CIB4: variants seen among roughly 807,000 people sequenced by gnomAD.
The protein encoded by CIB4 is calcium and integrin-binding family member 4.
CIB4 carries 25 observed loss-of-function variants against 25.8 expected under a neutral mutation model. That is an observed-to-expected ratio of 0.97 (90% CI 0.71 to 1.35). The LOEUF (loss-of-function observed/expected upper bound fraction) is 1.35, where lower values mean the gene tolerates loss of function less well. CIB4 is among the 40% of genes most tolerant of loss of function. The pLI is 0.00. For synonymous variants in CIB4, 75 were observed against 81.4 expected, an observed-to-expected ratio of 0.92 and a Z score of 0.42; for missense variants, 235 against 228.2, an observed-to-expected ratio of 1.03 and a Z score of -0.19.
chr2:26,626,252 A>G (rs1669301437), intron 3 of CIB4, among the ~76,000 whole-genome samples: 1 of 152,088 alleles, frequency 6.6e-6, no homozygotes, highest in Non-Finnish European at 1.5e-5. Flanking sequence ...ATCCAAACCT[A>G]GTTCTTTCAT....
intron 2 of CIB4, among the ~76,000 whole-genome samples, chr2:26,638,375 G>C (rs1178556497): frequency 6.6e-6 from 1 of 152,124 alleles, no homozygotes; most frequent in African/African-American, 2.4e-5. Flanking sequence ...CATAAGCATG[G>C]CTCGCTTCCA....
At chr2:26,615,876 C>A (rs1669082476) in intron 3 of CIB4, among the ~76,000 whole-genome samples, 1 of 152,252 alleles carries the variant, frequency 6.6e-6, no homozygotes, top group Non-Finnish European at 1.5e-5. Context: ...AATTCTGAGC[C>A]CTGCTAACTG....
At chr2:26,614,169 G>A (rs889201000) in intron 3 of CIB4, among the ~76,000 whole-genome samples, 40 of 152,202 alleles carry the variant, frequency 2.6e-4, no homozygotes, top group African/African-American at 9.4e-4. Context: ...TTTTAAACAA[G>A]TCTGAGGTCT....
At chr2:26,607,237 ACTT>A (rs1243178542) in intron 3 of CIB4, among the ~76,000 whole-genome samples, 2 of 152,160 alleles carry the variant, frequency 1.3e-5, no homozygotes, top group African/African-American at 4.8e-5. Context: ...TAGTATAATG[ACTT>A]CTTATTTGAC....
chr2:26,633,329 G>A (rs536093797), intron 2 of CIB4, among the ~76,000 whole-genome samples: 1 of 152,288 alleles, frequency 6.6e-6, no homozygotes, highest in East Asian at 1.9e-4. Flanking sequence ...AAGTGGAGGG[G>A]CCATCATTTC....
chr2:26,588,701 G>C (rs535913881), intron 4 of CIB4, among the ~76,000 whole-genome samples: 1 of 152,204 alleles, frequency 6.6e-6, no homozygotes, highest in Non-Finnish European at 1.5e-5. Context: ...CTGCCGTGGC[G>C]TCAGTCCCTG....
At chr2:26,601,234 ATATATAT>A (rs1668783007) in intron 3 of CIB4, among the ~76,000 whole-genome samples, 19 of 8,822 alleles carry the variant, frequency 2.2e-3, no homozygotes, top group South Asian at 4.2e-3. Context: ...AAAAAAAAAT[ATATATAT>A]ATATATATAT....
At chr2:26,626,866 A>C (rs750954842) in intron 3 of CIB4, among the ~76,000 whole-genome samples, 9 of 152,062 alleles carry the variant, frequency 5.9e-5, no homozygotes, top group Non-Finnish European at 1.3e-4. Context: ...CACCCATGAC[A>C]TGGAAGAGAG....
chr2:26,627,563 C>T lies in CIB4; in HGVS notation c.186+1847G>A, dbSNP rs1268730759. On this transcript the variant is annotated intron_variant, in intron 3 of 6. Transcript: ENST00000288861. This position sits in a 1 kb window ranked among gnomAD's most constrained non-coding sequence, Gnocchi z 4.0. Reference sequence around the variant, plus strand: ...GGCCTGGGTTTGAGAGAAGTCCCACCCACATGTGGTGGAGCCCATGCACGT... The same window carrying T: ...GGCCTGGGTTTGAGAGAAGTCCCACTCACATGTGGTGGAGCCCATGCACGT... 6.6e-6 allele frequency among the ~76,000 whole-genome samples: 1 copy of T among 152,172 alleles called. No individual in the cohort carries two copies. The highest frequency in any genetic ancestry group is 1.9e-4 in the East Asian group (1 of 5,194).
intron 3 of CIB4, among the ~76,000 whole-genome samples, chr2:26,601,267 T>A (rs891629493): frequency 7.4e-6 from 1 of 135,928 alleles, no homozygotes; most frequent in African/African-American, 2.8e-5. Flanking sequence ...TATATATATA[T>A]ATGCATGCTA....
intron 6 of CIB4, 34 bp downstream of exon 6, chr2:26,582,791 C>T (rs2148185500): frequency 7.1e-7 from 1 of 1,405,160 alleles, no homozygotes. Flanking sequence ...CCACCACTCT[C>T]CTGGACAGTC....
chr2:26,602,299 A>G (rs185241872), intron 3 of CIB4, among the ~76,000 whole-genome samples: 1 of 152,322 alleles, frequency 6.6e-6, no homozygotes, highest in East Asian at 1.9e-4. Flanking sequence ...TAAAGACCAA[A>G]ATAATATAAA....
chr2:26,625,601 T>C (rs12477419), intron 3 of CIB4, among the ~76,000 whole-genome samples: 34,022 of 152,124 alleles, frequency 0.22, 5,739 homozygotes, highest in African/African-American at 0.45. Flanking sequence ...ATCCACCCGC[T>C]TCGGCCTCCC....
intron 2 of CIB4, among the ~76,000 whole-genome samples, chr2:26,638,240 C>T (rs986516112): frequency 2.6e-5 from 4 of 152,214 alleles, no homozygotes; most frequent in African/African-American, 7.2e-5. Context: ...CCCAACACAA[C>T]GCGGAGCCAA....
intron 3 of CIB4, among the ~76,000 whole-genome samples, chr2:26,607,124 G>C (rs1346791864): frequency 6.6e-6 from 1 of 152,156 alleles, no homozygotes; most frequent in African/African-American, 2.4e-5. Context: ...CTGCAGGCCT[G>C]AGGTTTTGGG....
intron 3 of CIB4, among the ~76,000 whole-genome samples, chr2:26,624,913 G>A (rs1346399429): frequency 1.3e-5 from 2 of 151,898 alleles, no homozygotes; most frequent in Non-Finnish European, 2.9e-5. Context: ...TAACTTAGAG[G>A]GTAATTGGAT....
chr2:26,591,896 G>T (rs1300788164), intron 4 of CIB4, among the ~76,000 whole-genome samples: 3 of 152,224 alleles, frequency 2.0e-5, no homozygotes, highest in Non-Finnish European at 4.4e-5. Context: ...AGTAAATTCT[G>T]CCAACAACGT....
chr2:26,605,190 T>A (rs1668864154), intron 3 of CIB4, among the ~76,000 whole-genome samples: 1 of 152,038 alleles, frequency 6.6e-6, no homozygotes, highest in African/African-American at 2.4e-5. Flanking sequence ...TAAGTGAAAA[T>A]GAAAACATAA....
intron 2 of CIB4, among the ~76,000 whole-genome samples, chr2:26,637,534 T>C (rs1193416907): frequency 6.6e-6 from 1 of 152,126 alleles, no homozygotes; most frequent in African/African-American, 2.4e-5. Flanking sequence ...TGAACTTTGC[T>C]TTCTTAACTT....
Sources: gnomAD v4.1 joint callset for allele counts (sites outside exome capture counted in the v4.1 genomes callset) on GRCh38, gnomAD v4.1.1 for gene constraint, Gnocchi (gnomAD v3.1) non-coding constraint, MANE v1.5 for transcripts, NCBI Gene and HGNC (gene_info 2026-07-23, HGNC 2026-07-21) for gene names.